CDH12: variants seen among roughly 807,000 people sequenced by gnomAD.
The protein encoded by CDH12 is cadherin-12.
CDH12 carries 41 observed loss-of-function variants against 74.1 expected under a neutral mutation model. The ratio of observed to expected loss-of-function variants is 0.55; its 90% CI spans 0.43 to 0.72. The LOEUF (loss-of-function observed/expected upper bound fraction) is 0.72, where lower values mean the gene tolerates loss of function less well. CDH12 is among the 30% of genes least tolerant of loss of function. CDH12 has a pLI of 0.00. For synonymous variants in CDH12, 399 were observed against 355.0 expected (o/e 1.12, Z -1.39); for missense variants, 945 against 977.2 (o/e 0.97, Z 0.44).
At chr5:22,527,775 A>T (rs923392831) in intron 1 of CDH12, among the ~76,000 whole-genome samples, 1 of 152,156 alleles carries the variant, frequency 6.6e-6, no homozygotes, top group South Asian at 2.1e-4. Context: ...CGTTCTCCAC[A>T]TTGAGCCAAG....
At chr5:21,866,382 G>A (rs913124794) in intron 6 of CDH12, among the ~76,000 whole-genome samples, 1 of 152,182 alleles carries the variant, frequency 6.6e-6, no homozygotes, top group African/African-American at 2.4e-5. Context: ...GAGACTTGTT[G>A]AATGGCTTTG....
At chr5:22,174,749 G>A (rs956026013) in intron 4 of CDH12, among the ~76,000 whole-genome samples, 2 of 151,900 alleles carry the variant, frequency 1.3e-5, no homozygotes, top group African/African-American at 4.8e-5. Flanking sequence ...CTAATTAACC[G>A]AATCCACCAC....
chr5:22,718,279 C>T lies in CDH12; in HGVS notation c.-523+134779G>A, dbSNP rs186066475. On this transcript the variant is annotated intron_variant, in intron 1 of 14. Coordinates refer to ENST00000382254, the MANE Select transcript of CDH12 (RefSeq NM_004061.5). The stretch of plus-strand genomic sequence containing the variant: ...AACACTGGGTTGAAAAATCATACTA[C>T]TCTTTCCATCCACCCCCACTCCCAC... 1.1e-4 allele frequency among the ~76,000 whole-genome samples: 17 copies of T among 152,284 alleles called. No homozygotes were observed. In the East Asian group the frequency reaches 2.9e-3, roughly 26 times the overall value.
intron 1 of CDH12, among the ~76,000 whole-genome samples, chr5:22,747,086 T>C (rs1454934676): frequency 6.6e-6 from 1 of 152,200 alleles, no homozygotes; most frequent in African/African-American, 2.4e-5. Context: ...TGCTTCTAGA[T>C]CTTGAAAGTG....
intron 5 of CDH12, among the ~76,000 whole-genome samples, chr5:22,013,896 G>A (rs1273516366): frequency 6.6e-6 from 1 of 152,054 alleles, no homozygotes; most frequent in African/African-American, 2.4e-5. Flanking sequence ...AAAGAAAAGG[G>A]ATTCTACATC....
intron 3 of CDH12, among the ~76,000 whole-genome samples, chr5:22,328,255 T>A (rs12522340): frequency 0.35 from 53,864 of 152,108 alleles, 11,067 homozygotes; most frequent in Admixed American, 0.47. Context: ...ATTCTACTAC[T>A]GTTCATACAT....
At chr5:22,319,904 C>A (rs1272459012) in intron 3 of CDH12, among the ~76,000 whole-genome samples, 1 of 151,624 alleles carries the variant, frequency 6.6e-6, no homozygotes, top group Non-Finnish European at 1.5e-5. Context: ...GGAAGAGAAA[C>A]AGAGGAAGAG....
chr5:22,429,103 T>C (rs1580640286), intron 2 of CDH12, among the ~76,000 whole-genome samples: 1 of 121,770 alleles, frequency 8.2e-6, no homozygotes, highest in Admixed American at 7.7e-5. Context: ...ACTTTTATTC[T>C]ATTTTATTTT....
intron 2 of CDH12, among the ~76,000 whole-genome samples, chr5:22,444,511 G>A (rs983415096): frequency 3.3e-5 from 5 of 149,790 alleles, no homozygotes; most frequent in Admixed American, 1.3e-4. Context: ...GATCAAAGTC[G>A]TTGATGCTGT....
chr5:22,252,439 T>C (rs964394464), intron 3 of CDH12, among the ~76,000 whole-genome samples: 3 of 152,020 alleles, frequency 2.0e-5, no homozygotes, highest in African/African-American at 7.2e-5. Context: ...GAACACTTGC[T>C]TTGTGGAATA....
chr5:22,624,355 A>C (rs1738156432), intron 1 of CDH12, among the ~76,000 whole-genome samples: 1 of 152,214 alleles, frequency 6.6e-6, no homozygotes, highest in Non-Finnish European at 1.5e-5. Flanking sequence ...AGAAACTACC[A>C]TCGGAGTGAA....
chr5:22,230,791 T>TGATG (rs1752355943), intron 3 of CDH12, among the ~76,000 whole-genome samples: 3 of 152,084 alleles, frequency 2.0e-5, no homozygotes. Context: ...ATCTCCAAGA[T>TGATG]GATGCATGGA....
intron 5 of CDH12, among the ~76,000 whole-genome samples, chr5:21,996,125 T>C (rs1454435862): frequency 8.0e-6 from 1 of 125,318 alleles, no homozygotes; most frequent in Non-Finnish European, 1.6e-5. Flanking sequence ...TTTTTTTTTT[T>C]TTTTTTTCCA....
intron 1 of CDH12, among the ~76,000 whole-genome samples, chr5:22,799,316 C>T (rs1379867326): frequency 6.6e-6 from 1 of 152,110 alleles, no homozygotes; most frequent in African/African-American, 2.4e-5. Context: ...AACAGAATTA[C>T]AGAAACATTA....
At chr5:22,805,272 C>A (rs1294417482) in intron 1 of CDH12, among the ~76,000 whole-genome samples, 1 of 151,914 alleles carries the variant, frequency 6.6e-6, no homozygotes, top group Non-Finnish European at 1.5e-5. Context: ...AAATACTATG[C>A]AATATGAAGT....
At chr5:22,744,297 C>T (rs188197750) in intron 1 of CDH12, among the ~76,000 whole-genome samples, 5 of 151,970 alleles carry the variant, frequency 3.3e-5, no homozygotes, top group South Asian at 4.2e-4. Context: ...GGCATGGTGG[C>T]GGGAACCTGT....
chr5:22,283,617 G>A (rs1041639294), intron 3 of CDH12, among the ~76,000 whole-genome samples: 1 of 151,996 alleles, frequency 6.6e-6, no homozygotes, highest in East Asian at 1.9e-4. Context: ...AGGAAGGCAA[G>A]GAGGAAAGAG....
chr5:21,926,685 GGAAA>G (rs1754597539), intron 6 of CDH12, among the ~76,000 whole-genome samples: 1 of 152,026 alleles, frequency 6.6e-6, no homozygotes, highest in South Asian at 2.1e-4. Context: ...GGAGGAAGGA[GGAAA>G]GAAAAAGACT....
At chr5:22,169,395 C>T (rs1458511617) in intron 4 of CDH12, among the ~76,000 whole-genome samples, 1 of 151,956 alleles carries the variant, frequency 6.6e-6, no homozygotes, top group African/African-American at 2.4e-5. Context: ...AATGAACAGT[C>T]GTATCCATAA....
Sources: allele counts gnomAD v4.1 joint callset (sites outside exome capture counted in the v4.1 genomes callset), GRCh38; gene constraint gnomAD v4.1.1; transcripts MANE v1.5; gene names NCBI Gene and HGNC (gene_info 2026-07-23, HGNC 2026-07-21).